Variants in LINGO2 observed in about 807,000 individuals in gnomAD.
LINGO2 encodes the protein leucine-rich repeat and immunoglobulin-like domain-containing nogo receptor-interacting protein 2.
Under a neutral mutation model 30.6 loss-of-function variants are expected in LINGO2, and 14 were observed. That is an observed-to-expected ratio of 0.46 (90% CI 0.30 to 0.72). The LOEUF (loss-of-function observed/expected upper bound fraction) is 0.72. Among genes scored for constraint, LINGO2 ranks in the 30% least tolerant of loss-of-function variants. The pLI is 0.07. For synonymous variants in LINGO2, 317 were observed against 288.5 expected (o/e 1.10, Z -1.00); for missense variants, 729 against 751.7 (o/e 0.97, Z 0.35).
At chr9:28,793,464 G>A in the LINGO2 span, among the ~76,000 whole-genome samples, 2 of 152,104 alleles carry the variant, frequency 1.3e-5, no homozygotes, top group African/African-American at 4.8e-5. Context: ...TTTATTCCAA[G>A]AAAACTTGAG....
chr9:28,794,737 A>T, the LINGO2 span, among the ~76,000 whole-genome samples: 23 of 152,284 alleles, frequency 1.5e-4, no homozygotes, highest in East Asian at 4.4e-3. Context: ...GACAATTTGG[A>T]TATTTTATAT....
At chr9:28,162,634 T>A (rs1161025537) in intron 4 of LINGO2, among the ~76,000 whole-genome samples, 1 of 152,176 alleles carries the variant, frequency 6.6e-6, no homozygotes, top group Non-Finnish European at 1.5e-5. Flanking sequence ...TTACTATGGA[T>A]TCAAATTTGT....
intron 5 of LINGO2, among the ~76,000 whole-genome samples, chr9:28,003,809 A>G (rs560425160): frequency 2.6e-5 from 4 of 152,276 alleles, no homozygotes; most frequent in East Asian, 3.9e-4. Flanking sequence ...TGGTTTTGTT[A>G]TATGTCCTAA....
chr9:28,535,726 G>GCACACA lies in LINGO2; in HGVS notation c.-364-59707_-364-59702dup, dbSNP rs35045943. ...TGCACACACACACACACGTGTGGACGCACACACACACACACACACGGAGCT... is the reference window on the plus strand; with the variant it reads ...TGCACACACACACACACGTGTGGACGCACACACACACACACACACACACACGGAGCT... On this transcript the variant is annotated intron_variant, in intron 1 of 5. Coordinates refer to ENST00000379992, the Ensembl canonical transcript of LINGO2. Among the ~76,000 whole-genome samples the GCACACA allele has an allele frequency of 2.3e-4, 35 of 149,964 alleles. No homozygotes were observed. In the South Asian group the frequency reaches 3.6e-3, roughly 15 times the overall value.
chr9:28,717,141 C>T, the LINGO2 span, among the ~76,000 whole-genome samples: 1 of 152,000 alleles, frequency 6.6e-6, no homozygotes, highest in East Asian at 1.9e-4. Context: ...CAAGAAATTA[C>T]ATTCTAGGCA....
At chr9:28,916,159 A>G in the LINGO2 span, among the ~76,000 whole-genome samples, 1 of 152,162 alleles carries the variant, frequency 6.6e-6, no homozygotes, top group Non-Finnish European at 1.5e-5. Flanking sequence ...CTTAAGACTG[A>G]CAAAGCAGAC....
At chr9:28,105,990 A>C (rs1353436458) in intron 4 of LINGO2, among the ~76,000 whole-genome samples, 2 of 152,142 alleles carry the variant, frequency 1.3e-5, no homozygotes, top group African/African-American at 4.8e-5. Context: ...GCTAGCAAGC[A>C]TTACCAACAG....
At chr9:28,742,453 TC>T in the LINGO2 span, among the ~76,000 whole-genome samples, 2 of 151,728 alleles carry the variant, frequency 1.3e-5, no homozygotes, top group African/African-American at 4.9e-5. Flanking sequence ...ACTACTTTTT[TC>T]TGGAGTTATT....
intron 5 of LINGO2, among the ~76,000 whole-genome samples, chr9:27,999,126 G>T (rs1821814947): frequency 6.6e-6 from 1 of 151,958 alleles, no homozygotes; most frequent in Non-Finnish European, 1.5e-5. Flanking sequence ...AAGGCACATT[G>T]GGTCCTGGAC....
At chr9:28,027,463 A>C (rs897274768) in intron 4 of LINGO2, among the ~76,000 whole-genome samples, 4 of 152,152 alleles carry the variant, frequency 2.6e-5, no homozygotes, top group Non-Finnish European at 5.9e-5. Context: ...ATAATCACAA[A>C]AAAATTATTC....
At chr9:28,153,686 G>T (rs1194946782) in intron 4 of LINGO2, among the ~76,000 whole-genome samples, 6 of 152,066 alleles carry the variant, frequency 3.9e-5, no homozygotes, top group Admixed American at 1.3e-4. Context: ...AAATAACCAT[G>T]CAATTATGTG....
the LINGO2 span, among the ~76,000 whole-genome samples, chr9:28,755,525 A>G: frequency 6.6e-6 from 1 of 152,080 alleles, no homozygotes; most frequent in Non-Finnish European, 1.5e-5. Flanking sequence ...ATGTTTGTAT[A>G]AGTTGGCTGC....
At chr9:28,970,335 T>C in the LINGO2 span, among the ~76,000 whole-genome samples, 1 of 152,152 alleles carries the variant, frequency 6.6e-6, no homozygotes, top group Admixed American at 6.5e-5. Flanking sequence ...AGCAAGATGG[T>C]AGAATACAAG....
chr9:28,472,515 G>C (rs993975947), intron 2 of LINGO2, among the ~76,000 whole-genome samples: 7 of 151,860 alleles, frequency 4.6e-5, no homozygotes, highest in African/African-American at 9.7e-5. Context: ...TTTACTATTA[G>C]GTTGTCCTAA....
At chr9:28,839,027 A>G in the LINGO2 span, among the ~76,000 whole-genome samples, 1 of 152,142 alleles carries the variant, frequency 6.6e-6, no homozygotes, top group African/African-American at 2.4e-5. Flanking sequence ...GCACCAGGGA[A>G]TGAGGTGGCG....
the LINGO2 span, among the ~76,000 whole-genome samples, chr9:29,056,287 G>T: frequency 8.6e-5 from 13 of 151,912 alleles, no homozygotes; most frequent in Non-Finnish European, 1.8e-4. Context: ...TTTGATTATG[G>T]CGTCCTTGAA....
intron 5 of LINGO2, among the ~76,000 whole-genome samples, chr9:27,955,822 T>G (rs1481463496): frequency 6.6e-6 from 1 of 152,206 alleles, no homozygotes; most frequent in South Asian, 2.1e-4. Flanking sequence ...ATATGTATAG[T>G]ATTTATAAGA....
chr9:28,971,923 C>T, the LINGO2 span, among the ~76,000 whole-genome samples: 1 of 152,168 alleles, frequency 6.6e-6, no homozygotes, highest in African/African-American at 2.4e-5. Context: ...GTCACTCCAC[C>T]CCCAGCTTTA....
chr9:28,171,788 C>G (rs1357186155), intron 4 of LINGO2, among the ~76,000 whole-genome samples: 3 of 150,250 alleles, frequency 2.0e-5, no homozygotes, highest in African/African-American at 7.4e-5. Context: ...GCAGGCGGAT[C>G]ACGAGGTCAG....
Sources: allele counts gnomAD v4.1 joint callset (sites outside exome capture counted in the v4.1 genomes callset), GRCh38; gene constraint gnomAD v4.1.1; transcripts MANE v1.5; gene names NCBI Gene and HGNC (gene_info 2026-07-23, HGNC 2026-07-21).